BIN1: variants seen among roughly 807,000 people sequenced by gnomAD.
The protein encoded by BIN1 is bridging integrator 1, also known as myc box-dependent-interacting protein 1.
BIN1 carries 53 observed loss-of-function variants against 82.0 expected under a neutral mutation model. The ratio of observed to expected loss-of-function variants is 0.65; its 90% confidence interval spans 0.52 to 0.81. BIN1 has a LOEUF of 0.81. Among genes scored for constraint, BIN1 ranks in the 40% least tolerant of loss-of-function variants. BIN1 has a pLI of 0.00. For synonymous variants in BIN1, 302 were observed against 328.0 expected (o/e 0.92, Z 0.86); for missense variants, 642 against 784.4 (o/e 0.82, Z 2.17).
Position 127,057,473 on chromosome 2 carries a change from C to T in BIN1, c.1131G>A (p.Gln377=). Residue 377 remains glutamine, a splice_region_variant and synonymous_variant, in exon 12 of 19, where the codon CAG becomes CAA. Coordinates refer to ENST00000316724, the MANE Select transcript of BIN1 (RefSeq NM_139343.3). This position sits in a 1 kb window ranked among gnomAD's most constrained non-coding sequence, Gnocchi z 5.0. Reference sequence around the variant, plus strand: ...CTGGGCCGCGGCGGCCGCGGCTGACCTGGGAGGGGGTGGTCACGCTGATCT... The same window carrying T: ...CTGGGCCGCGGCGGCCGCGGCTGACTTGGGAGGGGGTGGTCACGCTGATCT... ...VPEISVTTPS[Q]FEAPGPFSEQ... is the part of the protein sequence containing the mutation. 6.5e-7 allele frequency: 1 copy of T among 1,545,906 alleles called. No individual in the cohort carries two copies. The highest frequency in any genetic ancestry group is 8.7e-7 in the Non-Finnish European group (1 of 1,143,730).
intron 1 of BIN1, among the ~76,000 whole-genome samples, chr2:127,105,467 C>CCCTCCTCCTCCTCCTCCTCCTCCTCCT (rs70985434): frequency 3.9e-4 from 22 of 55,742 alleles, no homozygotes; most frequent in African/African-American, 6.6e-4. Context: ...GGGCTTTAAT[C>CCCTCCTCCTCCTCCTCCTCCTCCTCCT]CCTCCTCCTC....
intron 1 of BIN1, among the ~76,000 whole-genome samples, chr2:127,089,121 G>A (rs973403443): frequency 7.2e-5 from 11 of 152,124 alleles, no homozygotes; most frequent in African/African-American, 2.7e-4. Context: ...CTTTGCAGGT[G>A]AGGAAACTGA....
intron 14 of BIN1, 36 bp downstream of exon 14, chr2:127,053,386 C>T: frequency 1.2e-6 from 2 of 1,613,414 alleles, no homozygotes. Context: ...GAGTGGCTCC[C>T]CCAGGGGCTG....
chr2:127,064,065 G>C (rs750383567), intron 7 of BIN1, 47 bp from the exon 8 acceptor site: 23 of 1,609,910 alleles, frequency 1.4e-5, no homozygotes, highest in Non-Finnish European at 2.0e-5. Flanking sequence ...GTCCCAGCCA[G>C]CCCAGCCCCA....
intron 1 of BIN1, among the ~76,000 whole-genome samples, chr2:127,091,825 A>T (rs948785409): frequency 6.6e-6 from 1 of 151,960 alleles, no homozygotes; most frequent in African/African-American, 2.4e-5. Flanking sequence ...TGAGCCCAGG[A>T]GTTGGAGGCT....
At chr2:127,075,739 CCCAGCCCT>C (rs1686505100) in intron 2 of BIN1, among the ~76,000 whole-genome samples, 8 of 113,300 alleles carry the variant, frequency 7.1e-5, no homozygotes, top group African/African-American at 2.4e-4. Flanking sequence ...CCAGAATGCT[CCCAGCCCT>C]CCCAGCTGCC....
At chr2:127,049,922 G>GC (rs1228057345) in intron 18 of BIN1, among the ~76,000 whole-genome samples, 2 of 152,242 alleles carry the variant, frequency 1.3e-5, no homozygotes, top group Admixed American at 1.3e-4. Flanking sequence ...CAGCTGGGAA[G>GC]CCCATGGCCC....
At chr2:127,076,176 A>G (rs1228922467) in intron 2 of BIN1, among the ~76,000 whole-genome samples, 1 of 152,040 alleles carries the variant, frequency 6.6e-6, no homozygotes, top group Non-Finnish European at 1.5e-5. Flanking sequence ...CCCACAGCCC[A>G]GCCTTGAGCC....
intron 18 of BIN1, among the ~76,000 whole-genome samples, chr2:127,049,620 C>T (rs1682618072): frequency 6.6e-6 from 1 of 152,200 alleles, no homozygotes; most frequent in Non-Finnish European, 1.5e-5. Flanking sequence ...CCTCTGTGCA[C>T]AGCCCGAGGT....
chr2:127,062,091 C>T (rs761549816), intron 10 of BIN1, 24 bp downstream of exon 10: 10 of 1,583,602 alleles, frequency 6.3e-6, no homozygotes, highest in African/African-American at 1.3e-5. Flanking sequence ...CAGTCAGGGG[C>T]GCCAGGGCTC....
chr2:127,092,608 G>A (rs1679075712), intron 1 of BIN1, among the ~76,000 whole-genome samples: 2 of 152,296 alleles, frequency 1.3e-5, no homozygotes, highest in East Asian at 1.9e-4. Flanking sequence ...GCTGCAGGGG[G>A]CAGCAAGGGC....
At chr2:127,063,785 T>G (rs1023730885) in intron 8 of BIN1, 139 bp from the exon 9 acceptor site, 143 of 1,398,348 alleles carry the variant, frequency 1.0e-4, no homozygotes, top group Non-Finnish European at 1.4e-4. Context: ...GCACTCAGGC[T>G]GGACACTGCA....
At chr2:127,062,990 A>G (rs1684694367) in intron 9 of BIN1, among the ~76,000 whole-genome samples, 1 of 152,212 alleles carries the variant, frequency 6.6e-6, no homozygotes, top group Non-Finnish European at 1.5e-5. Context: ...AGACAAAGTC[A>G]GACCCACCAC....
chr2:127,081,927 G>A (rs1687345854), intron 1 of BIN1: 20 of 1,258,502 alleles, frequency 1.6e-5, no homozygotes, highest in Admixed American at 5.0e-5. Flanking sequence ...GCCTGCGGTC[G>A]GGGGCCACGG....
intron 1 of BIN1, chr2:127,081,874 G>A (rs1037539029): frequency 3.2e-5 from 41 of 1,286,300 alleles, no homozygotes; most frequent in East Asian, 2.8e-4. Context: ...CAGGAAGGGC[G>A]GGCTGAGAAG....
In BIN1 at chr2:127,082,205, C is replaced by A. The variant is rs10194375; in HGVS notation, c.85-5499G>T. ...TCACTGACTCCCGGGGGCTGTCCCT[C>A]TGTCAATCTTTCCTTGCCCCTCCTC... is the stretch of plus-strand genomic sequence containing the variant. On this transcript the variant is annotated intron_variant, in intron 1 of 18. Transcript: ENST00000316724. The surrounding 1 kb of genome is among the most constrained non-coding windows in gnomAD (Gnocchi z 6.1). Among the ~76,000 whole-genome samples the A allele has an allele frequency of 0.31, 47,449 of 151,680 alleles. 7,639 individuals carry two copies. Among genetic ancestry groups the A allele is most frequent in the Non-Finnish European group, 0.34 (23,190 of 67,788 alleles).
At chr2:127,076,544 C>T in intron 2 of BIN1, 82 bp downstream of exon 2, 2 of 1,514,234 alleles carry the variant, frequency 1.3e-6, no homozygotes, top group East Asian at 2.3e-5. Context: ...CTCTCGTACT[C>T]CACAAATTCA....
At chr2:127,080,415 T>A (rs1319927327) in intron 1 of BIN1, among the ~76,000 whole-genome samples, 1 of 152,184 alleles carries the variant, frequency 6.6e-6, no homozygotes, top group Non-Finnish European at 1.5e-5. Context: ...TTTTGAAGGA[T>A]GAGCAGGAGT....
At chr2:127,096,372 G>A (rs971064426) in intron 1 of BIN1, among the ~76,000 whole-genome samples, 2 of 152,150 alleles carry the variant, frequency 1.3e-5, no homozygotes, top group African/African-American at 4.8e-5. Flanking sequence ...AATGACGCCC[G>A]TGGGCTGTCA....
Sources: gnomAD v4.1 joint callset for allele counts (sites outside exome capture counted in the v4.1 genomes callset) on GRCh38, gnomAD v4.1.1 for gene constraint, Gnocchi (gnomAD v3.1) non-coding constraint, MANE v1.5 for transcripts, NCBI Gene and HGNC (gene_info 2026-07-23, HGNC 2026-07-21) for gene names.